The following MRTFB variants were observed in gnomAD, a reference collection of about 807,000 sequenced individuals.
The protein encoded by MRTFB is myocardin related transcription factor B.
Under a neutral mutation model 104.2 loss-of-function variants are expected in MRTFB, and 29 were observed. The ratio of observed to expected loss-of-function variants is 0.28; its 90% CI spans 0.21 to 0.38. MRTFB has a LOEUF of 0.38. Ranked by LOEUF, MRTFB falls within the 10% of genes least tolerant of loss-of-function variation. The pLI is 1.00. For synonymous variants in MRTFB, 535 were observed against 519.5 expected (o/e 1.03, Z -0.41); for missense variants, 1,270 against 1,341.6 (o/e 0.95, Z 0.83).
chr16:14,124,206 GCAAA>G (rs758719442), intron 2 of MRTFB, among the ~76,000 whole-genome samples: 13 of 152,146 alleles, frequency 8.5e-5, no homozygotes, highest in Non-Finnish European at 1.5e-4. Flanking sequence ...CATGTTATCT[GCAAA>G]CAGAGACAAT....
Position 14,240,270 on chromosome 16 carries a change from C to T in MRTFB, c.865C>T (p.Arg289Cys), listed in dbSNP as rs1305207500. 10 of 1,610,862 alleles carry T rather than the reference C, an allele frequency of 6.2e-6. No individual in the cohort carries two copies. The Admixed American group carries it at 6.7e-5, about 11-fold the overall frequency. ...TCCCAAGAATCCAAATGACAAACAC[C>T]GTAGCAAAAAGTGCAAAGATCCCAA... ...SHPKNPNDKH[R>C]SKKCKDPKPR... The change falls in exon 10 of 17, where the codon CGT (arginine) becomes TGT (cysteine). Residue 289 changes from arginine (R) to cysteine (C), a missense_variant. By Grantham distance (180) the Arg-to-Cys change is radical. This residue lies in a region of MRTFB where 1,144 missense variants were observed against 1,131.5 expected (regional missense o/e 1.01). Transcript: ENST00000571589.
Position 14,112,063 on chromosome 16 carries a change from G to A in MRTFB, c.-63-28481G>A, listed in dbSNP as rs545599091. Among the ~76,000 whole-genome samples the A allele has an allele frequency of 4.6e-5, 7 of 152,310 alleles. No homozygotes were observed. In the East Asian group the frequency reaches 1.4e-3, roughly 29 times the overall value. On this transcript the variant is annotated intron_variant, in intron 2 of 16. Transcript: ENST00000571589. ...ATCAGTTCTTCACTGTTCAAGGGCA[G>A]TGTGGAGTAGGGGCAGAGTGGGATT...
Position 14,231,909 on chromosome 16 carries a change from G to A in MRTFB, c.694-2237G>A, listed in dbSNP as rs954835729. On this transcript the variant is annotated intron_variant, in intron 8 of 16. Coordinates refer to ENST00000571589, the MANE Select transcript of MRTFB (RefSeq NM_001308142.2). ...TTTGATATATTTATCTTCAGATTAG[G>A]TAGAGTCAACAATCACTGTATTTCA... Among the ~76,000 whole-genome samples, 4 of 152,274 alleles carry A rather than the reference G, an allele frequency of 2.6e-5. No homozygotes were observed. In the South Asian group the frequency reaches 6.2e-4, roughly 24 times the overall value.
chr16:14,055,494 T>C, the MRTFB span, among the ~76,000 whole-genome samples: 1 of 152,230 alleles, frequency 6.6e-6, no homozygotes, highest in Non-Finnish European at 1.5e-5. Flanking sequence ...TCAGTTCTCC[T>C]TAGTCTCTTC....
At chr16:14,015,526 C>T in the MRTFB span, among the ~76,000 whole-genome samples, 1 of 152,170 alleles carries the variant, frequency 6.6e-6, no homozygotes, top group Admixed American at 6.5e-5. Context: ...GCAGGAAATA[C>T]CTGCAGCCGT....
chr16:14,183,581 TATTG>T (rs1482916010), intron 3 of MRTFB, among the ~76,000 whole-genome samples: 1 of 152,138 alleles, frequency 6.6e-6, no homozygotes, highest in Admixed American at 6.5e-5. Flanking sequence ...ATCATCTTGA[TATTG>T]ATTATTATAT....
intron 2 of MRTFB, among the ~76,000 whole-genome samples, chr16:14,138,255 A>G (rs1345219157): frequency 6.6e-6 from 1 of 152,178 alleles, no homozygotes; most frequent in Non-Finnish European, 1.5e-5. Flanking sequence ...TGTAGAATAT[A>G]TATAGAAATA....
At chr16:14,056,515 C>T in the MRTFB span, among the ~76,000 whole-genome samples, 1 of 152,172 alleles carries the variant, frequency 6.6e-6, no homozygotes, top group African/African-American at 2.4e-5. Flanking sequence ...GAGCAATTCC[C>T]TATTTTCTGG....
the MRTFB span, among the ~76,000 whole-genome samples, chr16:14,007,483 A>G: frequency 6.6e-6 from 1 of 152,176 alleles, no homozygotes; most frequent in African/African-American, 2.4e-5. Flanking sequence ...TCAGTTTACC[A>G]TTTGGGTGAT....
chr16:14,058,474 T>C, the MRTFB span, among the ~76,000 whole-genome samples: 1 of 151,878 alleles, frequency 6.6e-6, no homozygotes, highest in Middle Eastern at 3.2e-3. Context: ...CACATCAATC[T>C]CATTGAATTC....
chr16:14,233,745 A>AC (rs1283828088), intron 8 of MRTFB, among the ~76,000 whole-genome samples: 2 of 137,472 alleles, frequency 1.5e-5, no homozygotes, highest in Non-Finnish European at 3.0e-5. Flanking sequence ...AGCCAAGATC[A>AC]CCCCACTGCA....
intron 2 of MRTFB, chr16:14,092,781 A>G (rs2035157936): frequency 6.6e-6 from 1 of 152,212 alleles, no homozygotes; most frequent in Non-Finnish European, 1.5e-5. Context: ...TACAGATTGT[A>G]CTAAGAAAAT....
Position 14,240,247 on chromosome 16 carries a change from C to T in MRTFB, c.842C>T (p.Pro281Leu). The change falls in exon 10 of 17, where the codon CCC becomes CTC. Residue 281 changes from proline (P) to leucine (L), a missense_variant. Physicochemically the swap from Pro to Leu is moderately conservative, Grantham distance 98. Transcript: ENST00000571589. ...TTTTCTCAAAAATAGCAAAGCCATCCCAAGAATCCAAATGACAAACACCGT... is the reference window on the plus strand; with the variant it reads ...TTTTCTCAAAAATAGCAAAGCCATCTCAAGAATCCAAATGACAAACACCGT... Reference protein sequence around the residue: ...PGPALVKQSHPKNPNDKHRSK... With the variant: ...PGPALVKQSHLKNPNDKHRSK... 2 of 1,594,704 alleles carry T rather than the reference C, an allele frequency of 1.3e-6. No individual in the cohort carries two copies. The highest frequency in any genetic ancestry group is 2.7e-5 in the African/African-American group (2 of 73,972).
At chr16:14,103,600 C>T (rs1032079661) in intron 2 of MRTFB, among the ~76,000 whole-genome samples, 5 of 152,150 alleles carry the variant, frequency 3.3e-5, no homozygotes, top group Non-Finnish European at 7.3e-5. Flanking sequence ...GAAATGGAAT[C>T]CTGCTGCAGT....
the MRTFB span, among the ~76,000 whole-genome samples, chr16:14,049,924 G>T: frequency 1.3e-5 from 2 of 152,132 alleles, no homozygotes; most frequent in Non-Finnish European, 2.9e-5. Flanking sequence ...GTAGAGACGG[G>T]GTTTCACCAT....
intron 2 of MRTFB, among the ~76,000 whole-genome samples, chr16:14,104,026 A>G (rs2035844917): frequency 6.6e-6 from 1 of 152,232 alleles, no homozygotes; most frequent in Non-Finnish European, 1.5e-5. Context: ...GACATGATAA[A>G]GTGACATTTG....
intron 2 of MRTFB, among the ~76,000 whole-genome samples, chr16:14,140,179 G>C (rs2037921384): frequency 6.6e-6 from 1 of 152,192 alleles, no homozygotes; most frequent in African/African-American, 2.4e-5. Flanking sequence ...TGATATATAG[G>C]AGTTAAGATG....
chr16:14,044,133 G>GTCAT, the MRTFB span, among the ~76,000 whole-genome samples: 143 of 152,286 alleles, frequency 9.4e-4, 2 homozygotes, highest in East Asian at 0.02. Flanking sequence ...TAAAGGCCTT[G>GTCAT]TCATTCATTC....
Position 14,261,384 on chromosome 16 carries a change from G to A in MRTFB, c.3240G>A (p.Ala1080=), listed in dbSNP as rs150140535. The change falls in exon 17 of 17, where the codon GCG becomes GCA. Residue 1080 remains alanine, a synonymous_variant. Coordinates refer to ENST00000571589, the MANE Select transcript of MRTFB (RefSeq NM_001308142.2). Reference sequence around the variant, plus strand: ...GACTCACTCCTCTCAGCACCACCGCGCCGAGCATGTTCTCTGCTGACTTTC... The same window carrying A: ...GACTCACTCCTCTCAGCACCACCGCACCGAGCATGTTCTCTGCTGACTTTC... ...SSGLTPLSTT[A]PSMFSADFLD... 23 of 1,613,700 alleles carry A rather than the reference G, an allele frequency of 1.4e-5. No homozygotes were observed. The highest frequency in any genetic ancestry group is 8.8e-5 in the South Asian group (8 of 91,038).
Sources: gnomAD v4.1 joint callset for allele counts (sites outside exome capture counted in the v4.1 genomes callset) on GRCh38, gnomAD v4.1.1 for gene constraint, gnomAD v4.1.1 regional missense constraint, MANE v1.5 for transcripts, NCBI Gene and HGNC (gene_info 2026-07-23, HGNC 2026-07-21) for gene names.